SCML4: variants seen among roughly 807,000 people sequenced by gnomAD.
SCML4 encodes the protein sex comb on midleg-like protein 4.
A neutral mutation model predicts 41.1 loss-of-function variants in SCML4; 34 were observed. That is an observed-to-expected ratio of 0.83 (90% CI 0.63 to 1.10). The LOEUF is 1.10. SCML4 is among the 50% of genes least tolerant of loss of function. The pLI, the probability that SCML4 is intolerant of heterozygous loss-of-function variation, is 0.00. For missense variants in SCML4, 522 were observed against 534.1 expected, an observed-to-expected ratio of 0.98 and a Z score of 0.22; for synonymous variants, 214 against 220.9, an observed-to-expected ratio of 0.97 and a Z score of 0.28.
intron 2 of SCML4, 127 bp from the exon 3 acceptor site, chr6:107,749,940 T>G: frequency 2.2e-6 from 2 of 911,820 alleles, no homozygotes; most frequent in Non-Finnish European, 3.4e-6. Context: ...CATCCTGCAG[T>G]TTCGGGGCCT....
chr6:107,826,282 A>G (rs1785253750), upstream of SCML4, among the ~76,000 whole-genome samples: 1 of 131,532 alleles, frequency 7.6e-6, no homozygotes, highest in Non-Finnish European at 1.5e-5. Context: ...AAAAGAAGAA[A>G]AGAAAAGAAA....
At chr6:107,737,740 C>A (rs573164806) in intron 5 of SCML4, among the ~76,000 whole-genome samples, 1 of 152,156 alleles carries the variant, frequency 6.6e-6, no homozygotes, top group South Asian at 2.1e-4. Context: ...ACAATGCAGG[C>A]TTGTAATGGT....
intron 6 of SCML4, 120 bp from the exon 7 acceptor site, chr6:107,708,131 C>A: frequency 8.2e-7 from 1 of 1,213,254 alleles, no homozygotes; most frequent in Non-Finnish European, 1.1e-6. Flanking sequence ...AGTCCAAGGA[C>A]CTGGCCCAAG....
chr6:107,746,868 T>C lies in SCML4; in HGVS notation c.308A>G (p.Gln103Arg), dbSNP rs1778158336. The change falls in exon 4 of 8, where the codon CAG (glutamine) becomes CGG (arginine). Residue 103 changes from glutamine (Q) to arginine (R), a missense_variant. Physicochemically the swap from Gln to Arg is conservative, Grantham distance 43. Transcript: ENST00000369020. ...ALTVCLYINK[Q>R]ANAGPYLERK... ...CTCCAGATAGGGCCCCGCATTGGCCTGCTTGTTGATGTAGAGGCAGACTGC... is the reference window on the plus strand; with the variant it reads ...CTCCAGATAGGGCCCCGCATTGGCCCGCTTGTTGATGTAGAGGCAGACTGC... The C allele has an allele frequency of 4.9e-5, 79 of 1,613,184 alleles. No homozygotes were observed. Among genetic ancestry groups the C allele is most frequent in the Non-Finnish European group, 6.6e-5 (78 of 1,179,560 alleles).
At chr6:107,792,697 G>A (rs1008894070) in intron 1 of SCML4, among the ~76,000 whole-genome samples, 3 of 150,724 alleles carry the variant, frequency 2.0e-5, no homozygotes, top group East Asian at 2.0e-4. Context: ...CCACCACTGC[G>A]CTCCAGCCTG....
At chr6:107,822,508 C>CTTTTCTTT (rs972683975) in intron 1 of SCML4, among the ~76,000 whole-genome samples, 1 of 137,998 alleles carries the variant, frequency 7.2e-6, no homozygotes, top group African/African-American at 2.9e-5. Context: ...TTTTTCTTTT[C>CTTTTCTTT]TTTTTTTTTT....
chr6:107,773,444 T>A (rs951907179), intron 1 of SCML4, among the ~76,000 whole-genome samples: 1 of 151,706 alleles, frequency 6.6e-6, no homozygotes, highest in Admixed American at 6.6e-5. Context: ...ATACAAAAAT[T>A]AGCCAGGCTT....
At chr6:107,817,805 T>G (rs1784662619) in intron 1 of SCML4, among the ~76,000 whole-genome samples, 1 of 151,974 alleles carries the variant, frequency 6.6e-6, no homozygotes, top group Non-Finnish European at 1.5e-5. Flanking sequence ...CCCCCACACA[T>G]TCTCACACAT....
At chr6:107,725,857 G>GGATCACATGAGGAGTTCGAGA (rs1775906298) in intron 5 of SCML4, among the ~76,000 whole-genome samples, 1 of 151,990 alleles carries the variant, frequency 6.6e-6, no homozygotes, top group Non-Finnish European at 1.5e-5. Context: ...AGAGGTGGGT[G>GGATCACATGAGGAGTTCGAGA]GATCACATGA....
At chr6:107,769,008 C>A (rs1191750813) in intron 2 of SCML4, among the ~76,000 whole-genome samples, 1 of 152,108 alleles carries the variant, frequency 6.6e-6, no homozygotes, top group Admixed American at 6.5e-5. Context: ...GAAAATCTAC[C>A]TATTGATCTT....
At chr6:107,707,162 G>A (rs1171811191) in intron 7 of SCML4, among the ~76,000 whole-genome samples, 4 of 151,456 alleles carry the variant, frequency 2.6e-5, no homozygotes, top group Admixed American at 6.6e-5. Flanking sequence ...TTAGCTGGGC[G>A]TGGTGGTGGG....
chr6:107,722,440 A>G (rs550053542), intron 5 of SCML4, among the ~76,000 whole-genome samples: 1 of 152,326 alleles, frequency 6.6e-6, no homozygotes, highest in South Asian at 2.1e-4. Context: ...TCCCACCAGG[A>G]CAAGATCATG....
intron 7 of SCML4, among the ~76,000 whole-genome samples, chr6:107,707,582 G>T (rs1043331862): frequency 3.9e-4 from 60 of 152,154 alleles, no homozygotes; most frequent in African/African-American, 1.4e-3. Context: ...ATTCACAGAC[G>T]GCTGGATGGG....
chr6:107,817,375 G>A (rs1341804592), intron 1 of SCML4, among the ~76,000 whole-genome samples: 4 of 152,118 alleles, frequency 2.6e-5, no homozygotes, highest in Admixed American at 1.3e-4. Context: ...CCAGCACTTT[G>A]GGAGGCCAAG....
chr6:107,834,579 C>T, the SCML4 span, among the ~76,000 whole-genome samples: 24 of 152,300 alleles, frequency 1.6e-4, no homozygotes, highest in African/African-American at 5.3e-4. Flanking sequence ...AGTGACAATA[C>T]GCATTCTAGA....
chr6:107,749,817 G>A lies in SCML4; in HGVS notation c.157-4C>T. On this transcript the variant is annotated splice_polypyrimidine_tract_variant and splice_region_variant and intron_variant, in intron 2 of 7. Coordinates refer to ENST00000369020, the MANE Select transcript of SCML4 (RefSeq NM_198081.5). ...TCATGAGAACCCGAGACTTGATCTG[G>A]AAGAGAGAGCCCATTTGGTCAATGA... 1 of 1,614,000 alleles carries A rather than the reference G, an allele frequency of 6.2e-7. No homozygotes were observed. The highest frequency in any genetic ancestry group is 8.5e-7 in the Non-Finnish European group (1 of 1,179,918).
intron 1 of SCML4, among the ~76,000 whole-genome samples, 164 bp from the exon 2 acceptor site, chr6:107,772,550 G>A (rs924240346): frequency 2.0e-5 from 3 of 152,192 alleles, no homozygotes; most frequent in African/African-American, 7.2e-5. Flanking sequence ...TTACGATGCT[G>A]TTGGGCCTCT....
intron 5 of SCML4, among the ~76,000 whole-genome samples, chr6:107,742,037 C>T (rs888644946): frequency 5.9e-5 from 9 of 151,956 alleles, no homozygotes; most frequent in Admixed American, 5.2e-4. Flanking sequence ...TCCAAGATAA[C>T]ACAGAAAAGC....
intron 6 of SCML4, among the ~76,000 whole-genome samples, chr6:107,709,138 A>G (rs1623884): frequency 0.76 from 115,526 of 152,004 alleles, 44,125 homozygotes; most frequent in Admixed American, 0.81. Context: ...TACAACTGCC[A>G]CTGCCTCACA....
Sources: allele counts gnomAD v4.1 joint callset (sites outside exome capture counted in the v4.1 genomes callset), GRCh38; gene constraint gnomAD v4.1.1; transcripts MANE v1.5; gene names NCBI Gene and HGNC (gene_info 2026-07-23, HGNC 2026-07-21).